The following RASAL2 variants were observed in gnomAD, a reference collection of about 807,000 sequenced individuals.
RASAL2 encodes RAS protein activator like 2.
Under a neutral mutation model 128.9 loss-of-function variants are expected in RASAL2, and 58 were observed. The observed-to-expected ratio is 0.45, with a 90% CI of 0.36 to 0.56. The LOEUF (loss-of-function observed/expected upper bound fraction) is 0.56, where lower values mean the gene tolerates loss of function less well. Ranked by LOEUF, RASAL2 falls within the 20% of genes least tolerant of loss-of-function variation. The pLI, the probability that RASAL2 is intolerant of heterozygous loss-of-function variation, is 0.00. For synonymous variants in RASAL2, 561 were observed against 580.8 expected, an observed-to-expected ratio of 0.97 and a Z score of 0.49; for missense variants, 1,360 against 1,601.6, an observed-to-expected ratio of 0.85 and a Z score of 2.57.
intron 3 of RASAL2, chr1:178,372,258 C>A (rs563364539): frequency 2.0e-6 from 2 of 985,124 alleles, no homozygotes; most frequent in East Asian, 2.3e-4. Context: ...TCCTTTCCCC[C>A]GGTGATGTGG....
intron 3 of RASAL2, among the ~76,000 whole-genome samples, chr1:178,317,405 G>A (rs1341236148): frequency 6.9e-6 from 1 of 145,720 alleles, no homozygotes; most frequent in East Asian, 2.0e-4. Context: ...GAATTCGGCT[G>A]TGAATCCATC....
intron 15 of RASAL2, among the ~76,000 whole-genome samples, chr1:178,464,837 T>G (rs1432976389): frequency 4.3e-5 from 6 of 140,092 alleles, no homozygotes; most frequent in Non-Finnish European, 9.2e-5. Flanking sequence ...AGTTGTTTTT[T>G]TTTTTTTTTT....
chr1:178,474,122 A>G lies in RASAL2; in HGVS notation c.*883A>G, dbSNP rs892180038. 3.9e-5 allele frequency: 6 copies of G among 152,612 alleles called. No individual in the cohort carries two copies. The highest frequency in any genetic ancestry group is 1.4e-4 in the African/African-American group (6 of 41,434). 9.5% of individuals were successfully genotyped at this position (152,612 alleles called of 1,614,324 possible). ...ACACATTCACTGTGCTTTCCTCCCC[A>G]TAGTGGGAGCTGTCATCACCAACAG... On this transcript the variant is annotated 3_prime_UTR_variant, in exon 18 of 18. Coordinates refer to ENST00000367649, the MANE Select transcript of RASAL2 (RefSeq NM_170692.4).
At chr1:178,246,329 A>G (rs904013268) in intron 1 of RASAL2, among the ~76,000 whole-genome samples, 2 of 152,168 alleles carry the variant, frequency 1.3e-5, no homozygotes, top group South Asian at 2.1e-4. Flanking sequence ...CTTTGTAGCA[A>G]TTGTGAATGG....
rs560656157 is a variant in RASAL2 at position 178,331,718 on chromosome 1, C to G, written c.457+31600C>G. ...TCTCTTGCCTCAGCCTCCCGAATAG[C>G]TAGGATTATGGGCGCCCACCACCAC... On this transcript the variant is annotated intron_variant, in intron 3 of 17. Coordinates refer to ENST00000367649, the MANE Select transcript of RASAL2 (RefSeq NM_170692.4). 1.6e-3 allele frequency among the ~76,000 whole-genome samples: 248 copies of G among 151,088 alleles called. 3 individuals carry two copies. Among genetic ancestry groups the G allele is most frequent in the East Asian group, 5.1e-3 (26 of 5,102 alleles).
intron 3 of RASAL2, among the ~76,000 whole-genome samples, 190 bp downstream of exon 3, chr1:178,300,308 T>TA (rs953634214): frequency 6.6e-6 from 1 of 152,216 alleles, no homozygotes; most frequent in African/African-American, 2.4e-5. Context: ...AAAGTTATTT[T>TA]AAAGAGAAAG....
chr1:178,408,554 A>G (rs750291360), intron 4 of RASAL2, among the ~76,000 whole-genome samples: 11 of 151,600 alleles, frequency 7.3e-5, no homozygotes, highest in Non-Finnish European at 4.4e-5. Context: ...AAATGCCACA[A>G]TAGTAGTTTT....
rs139230682 is a variant in RASAL2, at chr1:178,403,257, G to A, written c.564+13051G>A. On this transcript the variant is annotated intron_variant, in intron 4 of 17. Transcript: ENST00000367649. ...GTTTGGTTTTAATAATTTTGAGGGGGTTTTCCCTCCTATGTGTTATTTCCG... is the reference window on the plus strand; with the variant it reads ...GTTTGGTTTTAATAATTTTGAGGGGATTTTCCCTCCTATGTGTTATTTCCG... 5.2e-3 allele frequency among the ~76,000 whole-genome samples: 796 copies of A among 152,174 alleles called. 7 individuals are homozygous for A. The highest frequency in any genetic ancestry group is 7.8e-3 in the Non-Finnish European group (533 of 67,998).
chr1:178,445,087 G>A (rs1439012502), intron 8 of RASAL2, among the ~76,000 whole-genome samples: 3 of 150,824 alleles, frequency 2.0e-5, no homozygotes, highest in Non-Finnish European at 4.4e-5. Context: ...TGAGCTACCT[G>A]ACAGTGGGAG....
intron 3 of RASAL2, among the ~76,000 whole-genome samples, chr1:178,332,415 C>T (rs13375550): frequency 2.0e-5 from 3 of 151,680 alleles, no homozygotes; most frequent in Admixed American, 6.6e-5. Flanking sequence ...TGAGGCAGGA[C>T]AATCGCTTGA....
Position 178,121,504 on chromosome 1 carries a change from T to C in RASAL2, c.202+26810T>C, listed in dbSNP as rs547514880. Among the ~76,000 whole-genome samples, 21 of 152,074 alleles carry C rather than the reference T, an allele frequency of 1.4e-4. 1 individual carries two copies. Among genetic ancestry groups the C allele is most frequent in the Admixed American group, 5.2e-4 (8 of 15,268 alleles). On this transcript the variant is annotated intron_variant, in intron 1 of 17. Coordinates refer to ENST00000367649, the MANE Select transcript of RASAL2 (RefSeq NM_170692.4). ...ATCATTGGTTGTTTTCTTTTTTTTTTTGGGATGGAGTCTCACTCTTGCCCA... is the reference window on the plus strand; with the variant it reads ...ATCATTGGTTGTTTTCTTTTTTTTTCTGGGATGGAGTCTCACTCTTGCCCA...
At chr1:178,323,108 T>A (rs1025438122) in intron 3 of RASAL2, among the ~76,000 whole-genome samples, 1 of 151,054 alleles carries the variant, frequency 6.6e-6, no homozygotes. Context: ...CAGAATTCAT[T>A]AGCATTTTTG....
At chr1:178,320,079 G>A (rs1446754228) in intron 3 of RASAL2, among the ~76,000 whole-genome samples, 3 of 151,984 alleles carry the variant, frequency 2.0e-5, no homozygotes, top group Admixed American at 6.5e-5. Flanking sequence ...TGCCCCTGCT[G>A]GGGGGTGCCT....
chr1:178,353,970 CA>C (rs35215065), intron 3 of RASAL2, among the ~76,000 whole-genome samples: 10 of 144,628 alleles, frequency 6.9e-5, no homozygotes, highest in South Asian at 2.2e-4. Flanking sequence ...AAACCCTGTC[CA>C]AAAAAAAAAG....
At chr1:178,394,350 A>G (rs1673086579) in intron 4 of RASAL2, among the ~76,000 whole-genome samples, 1 of 152,252 alleles carries the variant, frequency 6.6e-6, no homozygotes, top group Non-Finnish European at 1.5e-5. Context: ...ACAATTGAAT[A>G]AATAATGAAA....
At chr1:178,298,484 C>G (rs757420393) in intron 2 of RASAL2, among the ~76,000 whole-genome samples, 8 of 152,178 alleles carry the variant, frequency 5.3e-5, no homozygotes, top group Non-Finnish European at 8.8e-5. Context: ...CTCGGATTCT[C>G]AGTAACAGAG....
chr1:178,286,467 A>G (rs1431536058), intron 2 of RASAL2, among the ~76,000 whole-genome samples: 13 of 151,898 alleles, frequency 8.6e-5, no homozygotes, highest in Admixed American at 7.2e-4. Context: ...CTGGAGTGCA[A>G]TGGTGCCATC....
intron 1 of RASAL2, among the ~76,000 whole-genome samples, chr1:178,098,786 A>ATAC: frequency 6.6e-6 from 1 of 152,224 alleles, no homozygotes; most frequent in Admixed American, 6.5e-5. Context: ...TATTACCATT[A>ATAC]AGCTTGTATA....
intron 3 of RASAL2, among the ~76,000 whole-genome samples, chr1:178,345,995 A>G (rs968260029): frequency 6.6e-6 from 1 of 152,250 alleles, no homozygotes; most frequent in South Asian, 2.1e-4. Context: ...GATTATTTCA[A>G]TGCTTTCAAC....
Sources: gnomAD v4.1 joint callset for allele counts (sites outside exome capture counted in the v4.1 genomes callset) on GRCh38, gnomAD v4.1.1 for gene constraint, MANE v1.5 for transcripts, NCBI Gene and HGNC (gene_info 2026-07-23, HGNC 2026-07-21) for gene names.